Variants in SLC15A2 observed in about 807,000 individuals in gnomAD.
SLC15A2 encodes kidney H(+)/peptide cotransporter.
SLC15A2 carries 77 observed loss-of-function variants against 95.5 expected under a neutral mutation model. The ratio of observed to expected loss-of-function variants is 0.81; its 90% CI spans 0.67 to 0.97. The LOEUF (loss-of-function observed/expected upper bound fraction) is 0.97, where lower values mean the gene tolerates loss of function less well. Ranked by LOEUF, SLC15A2 falls within the 50% of genes least tolerant of loss-of-function variation. The pLI is 0.00. For synonymous variants in SLC15A2, 306 were observed against 306.9 expected (o/e 1.00, Z 0.03); for missense variants, 893 against 874.4 (o/e 1.02, Z -0.27).
Position 121,894,575 on chromosome 3 carries a change from A to G in SLC15A2, c.99A>G (p.Pro33=). Reference sequence around the variant, plus strand: ...GACCACCTAGCCCTCCAAAGAAGCCATCTCCGGTGAGTCCTTAGATTCAAT... The same window carrying G: ...GACCACCTAGCCCTCCAAAGAAGCCGTCTCCGGTGAGTCCTTAGATTCAAT... The part of the protein sequence containing the change: ...PPRPPSPPKK[P]SPTICGSNYP... The change falls in exon 1 of 22, where the codon CCA becomes CCG. Residue 33 remains proline (P), a synonymous_variant. Coordinates refer to ENST00000489711, the MANE Select transcript of SLC15A2 (RefSeq NM_021082.4). 6.2e-7 allele frequency: 1 copy of G among 1,613,032 alleles called. No individual in the cohort carries two copies. The highest frequency in any genetic ancestry group is 8.5e-7 in the Non-Finnish European group (1 of 1,179,130).
chr3:121,916,802 C>T (rs77191184), intron 7 of SLC15A2, among the ~76,000 whole-genome samples: 1 of 152,026 alleles, frequency 6.6e-6, no homozygotes, highest in Non-Finnish European at 1.5e-5. Flanking sequence ...TGATCTTTTA[C>T]TGTAATTAAT....
chr3:121,938,692 T>C (rs1199078723), intron 19 of SLC15A2, among the ~76,000 whole-genome samples: 1 of 152,160 alleles, frequency 6.6e-6, no homozygotes, highest in Non-Finnish European at 1.5e-5. Flanking sequence ...ATGAGCCCGG[T>C]ACCTCAGATG....
rs1576696033 is a variant in SLC15A2 at position 121,940,317 on chromosome 3, C to T, written c.1909-67C>T. 3.3e-6 allele frequency: 4 copies of T among 1,206,566 alleles called. No homozygotes were observed. The East Asian group carries it at 9.4e-5, about 29-fold the overall frequency. The allele number at this position is 1,206,566 out of a possible 1,614,324, so 74.7% of individuals were successfully genotyped here. A position where few individuals can be genotyped will look rare whatever the true frequency, so the allele number is the denominator to read the frequency against. ...TTGGAAGCTTTTGTGGGAGAAGTTT[C>T]CTGGATGCATGGGGCATGAGGGCAG... On this transcript the variant is annotated intron_variant, in intron 20 of 21. Coordinates refer to ENST00000489711, the MANE Select transcript of SLC15A2 (RefSeq NM_021082.4).
intron 19 of SLC15A2, among the ~76,000 whole-genome samples, chr3:121,934,289 A>G (rs1710293463): frequency 1.3e-5 from 2 of 152,174 alleles, no homozygotes; most frequent in South Asian, 2.1e-4. Flanking sequence ...GTTTTTTCCA[A>G]TTCTTTGAAG....
At chr3:121,900,021 G>A (rs1709493183) in intron 3 of SLC15A2, among the ~76,000 whole-genome samples, 1 of 151,624 alleles carries the variant, frequency 6.6e-6, no homozygotes, top group African/African-American at 2.4e-5. Flanking sequence ...TACTTATCTG[G>A]CTTCTCTTTT....
In SLC15A2 at chr3:121,896,510, G is replaced by A. The variant is rs762517950; in HGVS notation, c.193+17G>A. ...GAATGAAAGGTAATTTTGTGTCCAA[G>A]AGTCCTACCTACTCTCCTCCACCCA... On this transcript the variant is annotated intron_variant, in intron 2 of 21. Transcript: ENST00000489711. 23 of 1,595,504 alleles carry A rather than the reference G, an allele frequency of 1.4e-5. No individual in the cohort carries two copies. Among genetic ancestry groups the A allele is most frequent in the Middle Eastern group, 1.7e-4 (1 of 6,058 alleles).
chr3:121,907,055 ACTCTTTTTT>A (rs1220308098), intron 3 of SLC15A2, among the ~76,000 whole-genome samples: 1 of 149,982 alleles, frequency 6.7e-6, no homozygotes, highest in African/African-American at 2.5e-5. Context: ...ATTTCTTTTT[ACTCTTTTTT>A]CTCTAAACTT....
In SLC15A2 at chr3:121,923,153, T is replaced by C. The variant is rs368460432; in HGVS notation, c.957+24T>C. Reference sequence around the variant, plus strand: ...AGGTAAGAATAGTTCTTTTGGACATTACCGCTCCTTACAGCCACTTCCCTC... The same window carrying C: ...AGGTAAGAATAGTTCTTTTGGACATCACCGCTCCTTACAGCCACTTCCCTC... On this transcript the variant is annotated intron_variant, in intron 10 of 21. Coordinates refer to ENST00000489711, the MANE Select transcript of SLC15A2 (RefSeq NM_021082.4). 8.7e-6 allele frequency: 14 copies of C among 1,613,128 alleles called. No homozygotes were observed. In the African/African-American group the frequency reaches 1.9e-4, roughly 22 times the overall value.
rs201991806 is a variant in SLC15A2 at position 121,911,647 on chromosome 3, G to A, written c.409G>A (p.Gly137Arg). The change falls in exon 4 of 22, where the codon GGA (glycine) becomes AGA (arginine). Residue 137 changes from glycine (G) to arginine (R), a missense_variant. Gly to Arg is a moderately radical substitution (Grantham distance 125). Coordinates refer to ENST00000489711, the MANE Select transcript of SLC15A2 (RefSeq NM_021082.4). ...GTCCTTGGGTGCCTTACCAATACTG[G>A]GAGGACAAGTGGTACACACGTGAGT... is the stretch of plus-strand genomic sequence containing the variant. The part of the protein sequence containing the change: ...IKSLGALPIL[G>R]GQVVHTVLSL... 5.0e-6 allele frequency: 8 copies of A among 1,611,698 alleles called. No homozygotes were observed. In the East Asian group the frequency reaches 1.8e-4, roughly 36 times the overall value.
At chr3:121,936,594 A>C (rs1287976817) in intron 19 of SLC15A2, among the ~76,000 whole-genome samples, 1 of 143,308 alleles carries the variant, frequency 7.0e-6, no homozygotes, top group African/African-American at 2.5e-5. Context: ...CAACCCCTGC[A>C]TTTTTTTTTT....
intron 4 of SLC15A2, 145 bp downstream of exon 4, chr3:121,911,811 T>A (rs992860401): frequency 3.1e-6 from 2 of 637,926 alleles, no homozygotes; most frequent in South Asian, 3.8e-5. Flanking sequence ...TTATGACCAG[T>A]TGAACTCTTT....
intron 13 of SLC15A2, among the ~76,000 whole-genome samples, chr3:121,925,407 G>A (rs747263778): frequency 1.3e-5 from 2 of 151,924 alleles, no homozygotes; most frequent in Non-Finnish European, 2.9e-5. Context: ...TAAATCTCCT[G>A]TTGTCCCTAC....
At chr3:121,897,346 C>T in intron 2 of SLC15A2, 42 bp from the exon 3 acceptor site, 1 of 1,604,188 alleles carries the variant, frequency 6.2e-7, no homozygotes, top group East Asian at 2.2e-5. Flanking sequence ...ATGCATCTAT[C>T]TTGTTTTGTC....
chr3:121,936,927 A>G (rs1378245139), intron 19 of SLC15A2, among the ~76,000 whole-genome samples: 12 of 149,234 alleles, frequency 8.0e-5, no homozygotes, highest in East Asian at 2.0e-4. Flanking sequence ...CATGTTTAGC[A>G]CTTCCTTCAG....
At chr3:121,938,749 G>A (rs1423511641) in intron 19 of SLC15A2, among the ~76,000 whole-genome samples, 2 of 152,216 alleles carry the variant, frequency 1.3e-5, no homozygotes, top group African/African-American at 4.8e-5. Flanking sequence ...GCTGGGAACT[G>A]TAGACCGGAG....
chr3:121,934,618 C>A (rs1029361423), intron 19 of SLC15A2, among the ~76,000 whole-genome samples: 2 of 151,588 alleles, frequency 1.3e-5, no homozygotes, highest in African/African-American at 2.4e-5. Flanking sequence ...GATTTTGTAT[C>A]CTGAGACTTT....
intron 5 of SLC15A2, among the ~76,000 whole-genome samples, chr3:121,913,634 G>A (rs1302980590): frequency 1.3e-5 from 2 of 152,174 alleles, no homozygotes; most frequent in Non-Finnish European, 2.9e-5. Context: ...TCCATGAAAT[G>A]GGAAAGTGAC....
At chr3:121,907,824 C>A (rs1260548190) in intron 3 of SLC15A2, among the ~76,000 whole-genome samples, 2 of 152,250 alleles carry the variant, frequency 1.3e-5, no homozygotes, top group African/African-American at 4.8e-5. Context: ...TTAGGCTACA[C>A]AGGCTTCAGG....
chr3:121,904,969 C>T (rs558445168), intron 3 of SLC15A2, among the ~76,000 whole-genome samples: 93 of 152,254 alleles, frequency 6.1e-4, no homozygotes, highest in African/African-American at 1.8e-3. Context: ...GCTGTGAATC[C>T]GTCTGGTCCT....
Sources: gnomAD v4.1 joint callset for allele counts (sites outside exome capture counted in the v4.1 genomes callset) on GRCh38, gnomAD v4.1.1 for gene constraint, MANE v1.5 for transcripts, NCBI Gene and HGNC (gene_info 2026-07-23, HGNC 2026-07-21) for gene names.